PHLDB2: variants seen among roughly 807,000 people sequenced by gnomAD.
PHLDB2 encodes pleckstrin homology like domain family B member 2.
Under a neutral mutation model 123.6 loss-of-function variants are expected in PHLDB2, and 71 were observed. The ratio of observed to expected loss-of-function variants is 0.57; its 90% CI spans 0.47 to 0.70. The LOEUF is 0.70. Ranked by LOEUF, PHLDB2 falls within the 30% of genes least tolerant of loss-of-function variation. The probability of loss-of-function intolerance (pLI) is 0.00; values close to 1 mark genes in which losing one functional copy is unlikely to be tolerated. For missense variants in PHLDB2, 1,446 were observed against 1,519.5 expected (o/e 0.95, Z 0.80); for synonymous variants, 547 against 541.6 (o/e 1.01, Z -0.14).
At chr3:111,864,183 C>G (rs937987704) in intron 1 of PHLDB2, among the ~76,000 whole-genome samples, 4 of 152,140 alleles carry the variant, frequency 2.6e-5, no homozygotes, top group African/African-American at 4.8e-5. Context: ...GATCTGCCCC[C>G]CCGCAGGTAC....
At position 111,883,958 on chromosome 3, in the gene PHLDB2, G is replaced by T. The variant is rs1271647860; in HGVS notation, c.-14-106G>T. On this transcript the variant is annotated intron_variant, in intron 1 of 17. Transcript: ENST00000431670. ...AAAACTGAGTTTGTGTTTGTTAGTT[G>T]CATTAGGTCAGACTGCAAGATTGTT... The T allele has an allele frequency of 2.9e-6, 3 of 1,032,776 alleles. No individual in the cohort carries two copies. In the African/African-American group the frequency reaches 4.8e-5, roughly 17 times the overall value. 64.0% of individuals were successfully genotyped at this position (1,032,776 alleles called of 1,614,324 possible). A position where few individuals can be genotyped will look rare whatever the true frequency, so the allele number is the denominator to read the frequency against.
chr3:111,737,027 C>T (rs1281583622), intron 1 of PHLDB2, among the ~76,000 whole-genome samples: 1 of 152,204 alleles, frequency 6.6e-6, no homozygotes, highest in Non-Finnish European at 1.5e-5. Context: ...TCTCATGAGT[C>T]AAACAGTTGC....
At chr3:111,970,053 T>G in intron 16 of PHLDB2, 144 bp downstream of exon 16, 1 of 708,108 alleles carries the variant, frequency 1.4e-6, no homozygotes, top group Middle Eastern at 3.5e-4. Flanking sequence ...TGTACATTAT[T>G]TTATATTTAG....
At chr3:111,805,844 T>C (rs1172125030) in intron 1 of PHLDB2, among the ~76,000 whole-genome samples, 5 of 109,186 alleles carry the variant, frequency 4.6e-5, no homozygotes, top group East Asian at 3.1e-4. Flanking sequence ...CATAGATGTA[T>C]GCAAAAAAAA....
chr3:111,867,046 G>C (rs573860182), intron 1 of PHLDB2, among the ~76,000 whole-genome samples: 1 of 151,262 alleles, frequency 6.6e-6, no homozygotes, highest in South Asian at 2.1e-4. Context: ...ATCATTATTT[G>C]GGCACGCAGT....
chr3:111,970,071 A>T (rs988192477), intron 16 of PHLDB2, among the ~76,000 whole-genome samples, 162 bp downstream of exon 16: 1 of 152,232 alleles, frequency 6.6e-6, no homozygotes, highest in Non-Finnish European at 1.5e-5. Context: ...TAGATTATAT[A>T]GTCCATATGA....
chr3:111,940,145 A>T (rs1166533940), intron 7 of PHLDB2, among the ~76,000 whole-genome samples: 2 of 151,298 alleles, frequency 1.3e-5, no homozygotes, highest in Non-Finnish European at 2.9e-5. Flanking sequence ...TAAACCAATA[A>T]AATTGAGGAA....
intron 1 of PHLDB2, among the ~76,000 whole-genome samples, chr3:111,799,399 A>T (rs2061297158): frequency 6.6e-6 from 1 of 152,260 alleles, no homozygotes; most frequent in African/African-American, 2.4e-5. Flanking sequence ...ACTAGAAAAA[A>T]GTATTAGAAA....
chr3:111,815,200 C>T (rs1043594155), intron 1 of PHLDB2, among the ~76,000 whole-genome samples: 1 of 152,128 alleles, frequency 6.6e-6, no homozygotes, highest in Non-Finnish European at 1.5e-5. Flanking sequence ...ATTGCCCAGT[C>T]TCAGGTATGT....
chr3:111,880,857 T>A (rs1397214905), intron 1 of PHLDB2, among the ~76,000 whole-genome samples: 2 of 152,208 alleles, frequency 1.3e-5, no homozygotes, highest in Admixed American at 6.5e-5. Context: ...ATCTGCTGCC[T>A]CTTGGTTAGC....
At chr3:111,881,039 G>T (rs1361379599) in intron 1 of PHLDB2, among the ~76,000 whole-genome samples, 2 of 152,026 alleles carry the variant, frequency 1.3e-5, no homozygotes, top group Non-Finnish European at 2.9e-5. Flanking sequence ...GAGTCTATAG[G>T]TATGCCTTTT....
chr3:111,806,173 G>A (rs1021166023), intron 1 of PHLDB2, among the ~76,000 whole-genome samples: 1 of 152,072 alleles, frequency 6.6e-6, no homozygotes, highest in Non-Finnish European at 1.5e-5. Flanking sequence ...GCCTTATTGA[G>A]GAATAATTTG....
intron 1 of PHLDB2, among the ~76,000 whole-genome samples, chr3:111,864,825 G>A (rs73228521): frequency 0.11 from 16,411 of 152,214 alleles, 1,053 homozygotes; most frequent in Non-Finnish European, 0.14. Flanking sequence ...GTATGCCACT[G>A]TTTATCGATG....
At chr3:111,798,802 A>G (rs2061267066) in intron 1 of PHLDB2, among the ~76,000 whole-genome samples, 1 of 152,180 alleles carries the variant, frequency 6.6e-6, no homozygotes, top group Non-Finnish European at 1.5e-5. Flanking sequence ...CTGAATTTCT[A>G]CTATGCAAAG....
intron 9 of PHLDB2, among the ~76,000 whole-genome samples, chr3:111,948,161 T>C (rs1319410709): frequency 6.6e-6 from 1 of 152,168 alleles, no homozygotes; most frequent in African/African-American, 2.4e-5. Context: ...TAACTGGAAA[T>C]TCTCTGTCCT....
intron 1 of PHLDB2, among the ~76,000 whole-genome samples, chr3:111,880,208 A>T (rs372265470): frequency 2.0e-5 from 3 of 152,038 alleles, no homozygotes; most frequent in African/African-American, 4.8e-5. Context: ...TCTCCCTATC[A>T]GCGTTCTCTA....
chr3:111,941,264 G>A (rs2069865548), intron 8 of PHLDB2, among the ~76,000 whole-genome samples: 1 of 152,190 alleles, frequency 6.6e-6, no homozygotes, highest in African/African-American at 2.4e-5. Context: ...GCAAGCCGTA[G>A]CCTAACTCTC....
chr3:111,912,854 G>C (rs775238249), intron 2 of PHLDB2, among the ~76,000 whole-genome samples: 4 of 152,218 alleles, frequency 2.6e-5, no homozygotes, highest in Non-Finnish European at 5.9e-5. Context: ...GCATGTGCCT[G>C]TAATCTCAGC....
chr3:111,931,900 G>T (rs1304639470), intron 5 of PHLDB2, among the ~76,000 whole-genome samples: 1 of 152,180 alleles, frequency 6.6e-6, no homozygotes, highest in Non-Finnish European at 1.5e-5. Context: ...TCTCTGACAG[G>T]TGACTCTTAG....
Sources: allele counts gnomAD v4.1 joint callset (sites outside exome capture counted in the v4.1 genomes callset), GRCh38; gene constraint gnomAD v4.1.1; transcripts MANE v1.5; gene names NCBI Gene and HGNC (gene_info 2026-07-23, HGNC 2026-07-21).